The following COL5A1 variants were observed in gnomAD, a reference collection of about 807,000 sequenced individuals.
The protein encoded by COL5A1 is collagen alpha-1(V) chain.
In COL5A1, 16 loss-of-function variants were observed where a neutral mutation model predicts 263.7. The observed-to-expected ratio is 0.06, with a 90% CI of 0.04 to 0.09. The LOEUF (loss-of-function observed/expected upper bound fraction) is 0.09, where lower values mean the gene tolerates loss of function less well. Among genes scored for constraint, COL5A1 ranks in the 10% least tolerant of loss-of-function variants. COL5A1 has a pLI of 1.00. For missense variants in COL5A1, 2,036 were observed against 2,540.5 expected, an observed-to-expected ratio of 0.80 and a Z score of 4.27; for synonymous variants, 1,012 against 1,004.5, an observed-to-expected ratio of 1.01 and a Z score of -0.14.
chr9:134,745,749 A>G (rs946327736), intron 11 of COL5A1, among the ~76,000 whole-genome samples: 3 of 152,164 alleles, frequency 2.0e-5, no homozygotes, highest in Admixed American at 6.5e-5. Flanking sequence ...GGTTTAAAGC[A>G]ACAGGAATGT....
rs1039167480 is a variant in COL5A1, at chr9:134,755,857, C to T, written c.1828-908C>T. 2.0e-5 allele frequency among the ~76,000 whole-genome samples: 3 copies of T among 152,164 alleles called. No homozygotes were observed. The highest frequency in any genetic ancestry group is 1.3e-4 in the Admixed American group (2 of 15,286). On this transcript the variant is annotated intron_variant, in intron 16 of 65. Transcript: ENST00000371817. This position sits in a 1 kb window ranked among gnomAD's most constrained non-coding sequence, Gnocchi z 4.1. ...TGTCTGTCTCCAGTGCTTTGAGACC[C>T]TAAGCTGCCACCCTCCAGATCTTCT...
chr9:134,820,055 C>T (rs910486115), intron 57 of COL5A1, 61 bp from the exon 58 acceptor site: 25 of 1,283,238 alleles, frequency 1.9e-5, no homozygotes, highest in African/African-American at 1.6e-4. Context: ...ACTGGCCCAC[C>T]GTGGCCGAGC....
chr9:134,750,375 C>T (rs1197073279), intron 11 of COL5A1, among the ~76,000 whole-genome samples, 167 bp from the exon 12 acceptor site: 1 of 152,190 alleles, frequency 6.6e-6, no homozygotes, highest in African/African-American at 2.4e-5. Context: ...CCCCTCCCTT[C>T]TCCGGGTGGG....
At position 134,823,422 on chromosome 9, in the gene COL5A1, A is replaced by C. The variant is rs376821494; in HGVS notation, c.4651A>C (p.Thr1551Pro). The C allele has an allele frequency of 3.1e-6, 5 of 1,614,120 alleles. No homozygotes were observed. Among genetic ancestry groups the C allele is most frequent in the Non-Finnish European group, 4.2e-6 (5 of 1,180,048 alleles). ...TTCTTTTCTTTCTCCCCAGGGTCCA[A>C]CTGGCCCGAAGGGTGAGGCAGGCCA... The part of the protein sequence containing the change: ...PKGAKGSSGP[T>P]GPKGEAGHPG... Residue 1551 changes from threonine to proline, a missense_variant, in exon 61 of 66, where the codon ACT (threonine) becomes CCT (proline). Thr to Pro is a conservative substitution (Grantham distance 38). Around this residue, in one of 3 missense-constraint regions of COL5A1, gnomAD observed 1,078 missense variants for 1,521.4 expected, o/e 0.71. Transcript: ENST00000371817.
In COL5A1 at chr9:134,814,778, A is replaced by T. The variant is rs535451384; in HGVS notation, c.3907-19A>T. The T allele has an allele frequency of 3.9e-6, 6 of 1,541,718 alleles. No homozygotes were observed. In the South Asian group the frequency reaches 7.2e-5, roughly 18 times the overall value. On this transcript the variant is annotated intron_variant, in intron 49 of 65. Coordinates refer to ENST00000371817, the MANE Select transcript of COL5A1 (RefSeq NM_000093.5). ...ACGTGGTTGGCTCTGAGGACTTGACACTGGCCTCTTTCCTCCAGGGACCCA... is the reference window on the plus strand; with the variant it reads ...ACGTGGTTGGCTCTGAGGACTTGACTCTGGCCTCTTTCCTCCAGGGACCCA...
At chr9:134,784,919 T>G in intron 29 of COL5A1, 70 bp from the exon 30 acceptor site, 3 of 1,321,992 alleles carry the variant, frequency 2.3e-6, no homozygotes, top group Non-Finnish European at 3.3e-6. Context: ...CTCCTTGCTC[T>G]CAGAATGGTG....
Position 134,742,435 on chromosome 9 carries a change from G to C in COL5A1, c.1494+3627G>C, listed in dbSNP as rs1024571437. 6.6e-6 allele frequency among the ~76,000 whole-genome samples: 1 copy of C among 152,120 alleles called. No individual in the cohort carries two copies. Among genetic ancestry groups the C allele is most frequent in the African/African-American group, 2.4e-5 (1 of 41,434 alleles). ...GCGGCTGTGTCCGGGTGGAGAAGGG[G>C]CTCGAACCATCATCCCATCCAGTTT... On this transcript the variant is annotated intron_variant, in intron 11 of 65. Transcript: ENST00000371817. This position sits in a 1 kb window ranked among gnomAD's most constrained non-coding sequence, Gnocchi z 4.6.
rs1270576971 is a variant in COL5A1 at position 134,782,085 on chromosome 9, C to G, written c.2431-582C>G. 2.6e-5 allele frequency among the ~76,000 whole-genome samples: 4 copies of G among 152,206 alleles called. No homozygotes were observed. In the East Asian group the frequency reaches 7.7e-4, roughly 29 times the overall value. On this transcript the variant is annotated intron_variant, in intron 28 of 65. Coordinates refer to ENST00000371817, the MANE Select transcript of COL5A1 (RefSeq NM_000093.5). ...CGTCTAGACCAGGGACTCAAACGGA[C>G]AGCAGGGGGCACTGACGCGCGGCAG... is the stretch of plus-strand genomic sequence containing the variant.
intron 61 of COL5A1, 78 bp downstream of exon 61, chr9:134,823,547 T>C: frequency 6.9e-7 from 1 of 1,458,584 alleles, no homozygotes; most frequent in Non-Finnish European, 9.6e-7. Flanking sequence ...CAACTGTGTG[T>C]GTGTGACCCC....
intron 1 of COL5A1, among the ~76,000 whole-genome samples, chr9:134,688,191 TCCACCAAGC>T (rs1019681790): frequency 2.6e-5 from 4 of 152,190 alleles, no homozygotes; most frequent in African/African-American, 7.2e-5. Flanking sequence ...TGCGAACATG[TCCACCAAGC>T]CTGCTGGAAA....
chr9:134,826,353 T>G (rs1190876246), intron 63 of COL5A1, among the ~76,000 whole-genome samples: 1 of 152,218 alleles, frequency 6.6e-6, no homozygotes, highest in Non-Finnish European at 1.5e-5. Flanking sequence ...TTGGCCCTGG[T>G]CCCTCCTGAG....
chr9:134,822,835 G>T, intron 59 of COL5A1, 163 bp from the exon 60 acceptor site: 1 of 838,494 alleles, frequency 1.2e-6, no homozygotes, highest in South Asian at 1.5e-5. Flanking sequence ...GCCAGGCCCC[G>T]ACCCTCCTCC....
rs1835889520 is a variant in COL5A1, at chr9:134,754,103, C to T, written c.1774-170C>T. 6.6e-6 allele frequency among the ~76,000 whole-genome samples: 1 copy of T among 152,242 alleles called. No individual in the cohort carries two copies. Among genetic ancestry groups the T allele is most frequent in the African/African-American group, 2.4e-5 (1 of 41,464 alleles). On this transcript the variant is annotated intron_variant, in intron 15 of 65. Coordinates refer to ENST00000371817, the MANE Select transcript of COL5A1 (RefSeq NM_000093.5). This position sits in a 1 kb window ranked among gnomAD's most constrained non-coding sequence, Gnocchi z 4.3. ...GAAATGAGCTGGCTGTATTCTGTCC[C>T]TGGCCTTCATTCTGGGCAGCAGATC... is the stretch of plus-strand genomic sequence containing the variant.
At chr9:134,781,790 C>T (rs1402440292) in intron 28 of COL5A1, among the ~76,000 whole-genome samples, 2 of 152,182 alleles carry the variant, frequency 1.3e-5, no homozygotes, top group Non-Finnish European at 2.9e-5. Context: ...GCCTTGAGGC[C>T]CTGGGAGCCC....
At chr9:134,683,716 T>C (rs1337477957) in intron 1 of COL5A1, among the ~76,000 whole-genome samples, 3 of 152,178 alleles carry the variant, frequency 2.0e-5, no homozygotes, top group African/African-American at 7.2e-5. Flanking sequence ...CCTGCCGCCC[T>C]TTGATACTCC....
chr9:134,709,066 C>T (rs765927325), intron 4 of COL5A1: 16 of 404,586 alleles, frequency 4.0e-5, no homozygotes, highest in South Asian at 2.2e-4. Context: ...ATCCTTCATT[C>T]CATCTGCAGT....
rs900785830 is a variant in COL5A1, at chr9:134,742,567, G to A, written c.1494+3759G>A. 6.6e-6 allele frequency among the ~76,000 whole-genome samples: 1 copy of A among 152,190 alleles called. No homozygotes were observed. The highest frequency in any genetic ancestry group is 1.5e-5 in the Non-Finnish European group (1 of 68,030). On this transcript the variant is annotated intron_variant, in intron 11 of 65. Transcript: ENST00000371817. This position sits in a 1 kb window ranked among gnomAD's most constrained non-coding sequence, Gnocchi z 4.6. ...GATCTCCTGTGGCAGAAGGAAGGTG[G>A]CCACTCTTACTTTGAGGTTCAGAGG... is the stretch of plus-strand genomic sequence containing the variant.
chr9:134,754,040 C>A lies in COL5A1; in HGVS notation c.1773+137C>A. ...GGAATTGTCCTTGCTTTACGCAGTG[C>A]TGAGGGTGGAGCACAATGAACTCTG... On this transcript the variant is annotated intron_variant, in intron 15 of 65. Coordinates refer to ENST00000371817, the MANE Select transcript of COL5A1 (RefSeq NM_000093.5). The surrounding 1 kb of genome is among the most constrained non-coding windows in gnomAD (Gnocchi z 4.3). 1.1e-6 allele frequency: 1 copy of A among 870,904 alleles called. No homozygotes were observed. The highest frequency in any genetic ancestry group is 1.9e-6 in the Non-Finnish European group (1 of 531,768). The allele number at this position is 870,904 out of a possible 1,614,324, so 53.9% of individuals were successfully genotyped here.
intron 18 of COL5A1, 58 bp from the exon 19 acceptor site, chr9:134,761,867 G>A: frequency 6.5e-7 from 1 of 1,543,394 alleles, no homozygotes. Flanking sequence ...GTGGGACCTT[G>A]GACAAGCCCT....
Sources: gnomAD v4.1 joint callset for allele counts (sites outside exome capture counted in the v4.1 genomes callset) on GRCh38, gnomAD v4.1.1 for gene constraint, gnomAD v4.1.1 regional missense constraint, Gnocchi (gnomAD v3.1) non-coding constraint, MANE v1.5 for transcripts, NCBI Gene and HGNC (gene_info 2026-07-23, HGNC 2026-07-21) for gene names.